PBX3: variants seen among roughly 807,000 people sequenced by gnomAD.
PBX3 encodes pre-B-cell leukemia transcription factor 3.
A neutral mutation model predicts 48.5 loss-of-function variants in PBX3; 14 were observed. The ratio of observed to expected loss-of-function variants is 0.29; its 90% CI spans 0.19 to 0.45. The LOEUF (loss-of-function observed/expected upper bound fraction) is 0.45, where lower values mean the gene tolerates loss of function less well. PBX3 is among the 20% of genes least tolerant of loss of function. The probability of loss-of-function intolerance (pLI) is 1.00; values close to 1 mark genes in which losing one functional copy is unlikely to be tolerated. For synonymous variants in PBX3, 210 were observed against 200.3 expected (o/e 1.05, Z -0.41); for missense variants, 386 against 546.7 (o/e 0.71, Z 2.93).
At chr9:125,937,720 A>T (rs1299244993) in intron 5 of PBX3, among the ~76,000 whole-genome samples, 1 of 152,084 alleles carries the variant, frequency 6.6e-6, no homozygotes, top group African/African-American at 2.4e-5. Context: ...GAGTGCAGGG[A>T]TATGTTATCA....
At chr9:125,955,846 G>C (rs1323964886) in intron 5 of PBX3, among the ~76,000 whole-genome samples, 1 of 152,206 alleles carries the variant, frequency 6.6e-6, no homozygotes, top group Admixed American at 6.5e-5. Context: ...TTTATAACCA[G>C]ATTGTAAAGT....
At chr9:125,864,499 A>G (rs1443435050) in intron 2 of PBX3, among the ~76,000 whole-genome samples, 1 of 152,218 alleles carries the variant, frequency 6.6e-6, no homozygotes, top group Non-Finnish European at 1.5e-5. Flanking sequence ...TAATTACACA[A>G]CTTACCATAA....
chr9:125,914,537 T>G (rs535711371), intron 2 of PBX3, among the ~76,000 whole-genome samples: 1 of 150,688 alleles, frequency 6.6e-6, no homozygotes, highest in South Asian at 2.1e-4. Context: ...TGGCAGCTTA[T>G]AGATGTTATG....
At chr9:125,924,439 T>C (rs972393917) in intron 3 of PBX3, among the ~76,000 whole-genome samples, 1 of 152,190 alleles carries the variant, frequency 6.6e-6, no homozygotes, top group African/African-American at 2.4e-5. Context: ...CAGATAATTG[T>C]GAATACTATT....
At chr9:125,947,853 A>G (rs988024993) in intron 5 of PBX3, among the ~76,000 whole-genome samples, 1 of 152,198 alleles carries the variant, frequency 6.6e-6, no homozygotes, top group Admixed American at 6.5e-5. Flanking sequence ...GTTTGTGTTG[A>G]TCTAATAATA....
chr9:125,945,061 A>G (rs1165581508), intron 5 of PBX3, among the ~76,000 whole-genome samples: 1 of 152,066 alleles, frequency 6.6e-6, no homozygotes. Flanking sequence ...TCTCTCTACT[A>G]AAAATACAAA....
intron 5 of PBX3, among the ~76,000 whole-genome samples, chr9:125,959,947 T>A (rs574445828): frequency 5.3e-5 from 8 of 152,350 alleles, no homozygotes; most frequent in African/African-American, 1.9e-4. Flanking sequence ...TGACGTGTGA[T>A]GAAATCTGCC....
chr9:125,780,298 T>A (rs1837225855), intron 2 of PBX3, among the ~76,000 whole-genome samples: 2 of 121,638 alleles, frequency 1.6e-5, no homozygotes, highest in Non-Finnish European at 1.7e-5. Flanking sequence ...GGCTCCTCAC[T>A]TCCCAGTAGG....
At chr9:125,957,949 G>A (rs1842344382) in intron 5 of PBX3, among the ~76,000 whole-genome samples, 1 of 152,200 alleles carries the variant, frequency 6.6e-6, no homozygotes. Context: ...TCTGTCTCCT[G>A]AGCTGAGAGC....
At chr9:125,954,360 G>A (rs907575165) in intron 5 of PBX3, among the ~76,000 whole-genome samples, 1 of 152,064 alleles carries the variant, frequency 6.6e-6, no homozygotes, top group African/African-American at 2.4e-5. Context: ...AATATGTAGA[G>A]CCTTATAATT....
intron 2 of PBX3, among the ~76,000 whole-genome samples, chr9:125,782,910 A>G (rs979668257): frequency 3.3e-5 from 5 of 152,138 alleles, no homozygotes; most frequent in African/African-American, 1.2e-4. Flanking sequence ...AGTTTCTGAT[A>G]AGAATTTCCC....
chr9:125,959,364 C>T (rs1004852397), intron 5 of PBX3, among the ~76,000 whole-genome samples: 1 of 152,200 alleles, frequency 6.6e-6, no homozygotes, highest in Non-Finnish European at 1.5e-5. Flanking sequence ...TGCATGGGTC[C>T]TCGGCAAGTA....
intron 2 of PBX3, among the ~76,000 whole-genome samples, chr9:125,870,182 C>T (rs1035091831): frequency 3.3e-5 from 5 of 151,692 alleles, no homozygotes. Flanking sequence ...GATTCTCCTG[C>T]CTCAGCCTTC....
intron 5 of PBX3, among the ~76,000 whole-genome samples, chr9:125,945,132 G>A (rs761968671): frequency 3.9e-5 from 6 of 152,128 alleles, no homozygotes; most frequent in Non-Finnish European, 7.4e-5. Context: ...GCTGAGGCAG[G>A]AGAATTGCTT....
intron 2 of PBX3, among the ~76,000 whole-genome samples, chr9:125,856,295 A>G (rs1267821857): frequency 6.6e-6 from 1 of 152,226 alleles, no homozygotes; most frequent in African/African-American, 2.4e-5. Context: ...AGTGTTCTGA[A>G]CTGGAAGAGT....
chr9:125,848,971 A>G (rs141382321), intron 2 of PBX3, among the ~76,000 whole-genome samples: 2 of 152,052 alleles, frequency 1.3e-5, no homozygotes, highest in African/African-American at 4.8e-5. Context: ...AACACTTATA[A>G]TGTGCCAGGT....
intron 2 of PBX3, among the ~76,000 whole-genome samples, chr9:125,855,418 T>C (rs1464505448): frequency 6.6e-6 from 1 of 152,168 alleles, no homozygotes; most frequent in East Asian, 1.9e-4. Context: ...TACTTTAATA[T>C]ATTCCTATAA....
intron 2 of PBX3, among the ~76,000 whole-genome samples, chr9:125,814,930 A>G (rs1838413810): frequency 6.6e-6 from 1 of 152,206 alleles, no homozygotes; most frequent in African/African-American, 2.4e-5. Flanking sequence ...CCCAATTGCC[A>G]TTCTTCAGCC....
chr9:125,818,874 T>C (rs186902084), intron 2 of PBX3, among the ~76,000 whole-genome samples: 76 of 151,718 alleles, frequency 5.0e-4, no homozygotes, highest in Admixed American at 7.9e-4. Context: ...CTTTCTCTGT[T>C]GCCCAGGCTG....
Sources: gnomAD v4.1 joint callset for allele counts (sites outside exome capture counted in the v4.1 genomes callset) on GRCh38, gnomAD v4.1.1 for gene constraint, MANE v1.5 for transcripts, NCBI Gene and HGNC (gene_info 2026-07-23, HGNC 2026-07-21) for gene names.